The following MAP3K15 variants were observed in gnomAD, a reference collection of about 807,000 sequenced individuals.
The protein encoded by MAP3K15 is mitogen-activated protein kinase kinase kinase 15.
MAP3K15 carries 124 observed loss-of-function variants against 99.5 expected under a neutral mutation model. The ratio of observed to expected loss-of-function variants is 1.25; its 90% CI spans 1.08 to 1.45. MAP3K15 has a LOEUF of 1.45. Ranked by LOEUF, MAP3K15 falls within the 40% of genes most tolerant of loss-of-function variation. The pLI is 0.00. For synonymous variants in MAP3K15, 494 were observed against 439.6 expected (o/e 1.12, Z -1.55); for missense variants, 1,242 against 1,079.7 (o/e 1.15, Z -2.11).
Position 19,429,760 on chromosome X carries a change from AAGAGAGAGAGAG to A in MAP3K15, c.1166+1666_1166+1677del, listed in dbSNP as rs369383239. Among the ~76,000 whole-genome samples the A allele has an allele frequency of 8.0e-3, 266 of 33,128 alleles. 1 individual carries two copies. Among genetic ancestry groups the A allele is most frequent in the South Asian group, 0.016 (4 of 247 alleles). 28.8% of individuals were successfully genotyped at this position (33,128 alleles called of 115,157 possible). On this transcript the variant is annotated intron_variant, in intron 7 of 28. Transcript: ENST00000338883. ...CAGAGCCTCCTGTGTGTATGAAAGG[AAGAGAGAGAGAG>A]AGAGAGAGAGAGAGAGAGAGAGAGA... is the stretch of plus-strand genomic sequence containing the variant.
At position 19,515,390 on chromosome X, in the gene MAP3K15, G is replaced by A; in HGVS notation, c.-129C>T. The A allele has an allele frequency of 2.7e-6, 1 of 363,858 alleles. No individual in the cohort carries two copies. Among genetic ancestry groups the A allele is most frequent in the Non-Finnish European group, 3.7e-6 (1 of 271,070 alleles). 30.0% of individuals were successfully genotyped at this position (363,858 alleles called of 1,213,427 possible). A position where few individuals can be genotyped will look rare whatever the true frequency, so the allele number is the denominator to read the frequency against. Reference sequence around the variant, plus strand: ...TGAAGCGCGGGACGCTACGGGAATCGAGGGAACGGAGCGCACCGGGGACCC... The same window carrying A: ...TGAAGCGCGGGACGCTACGGGAATCAAGGGAACGGAGCGCACCGGGGACCC... On this transcript the variant is annotated 5_prime_UTR_variant, in exon 1 of 29. Transcript: ENST00000338883.
chrX:19,426,823 A>AAACAAAAAC (rs1190682076), intron 7 of MAP3K15, among the ~76,000 whole-genome samples: 106 of 100,709 alleles, frequency 1.1e-3, no homozygotes, highest in African/African-American at 4.1e-3. Flanking sequence ...GTCTCCAAAA[A>AAACAAAAAC]AAAAAAAAAA....
At chrX:19,398,453 T>A (rs2147256912) in intron 14 of MAP3K15, 94 bp from the exon 15 acceptor site, 1 of 952,276 alleles carries the variant, frequency 1.1e-6, no homozygotes, top group Non-Finnish European at 1.5e-6. Flanking sequence ...CTAAAAAAAA[T>A]ATAAATAACA....
At chrX:19,448,598 T>C (rs1440090662) in intron 6 of MAP3K15, among the ~76,000 whole-genome samples, 2 of 109,504 alleles carry the variant, frequency 1.8e-5, no homozygotes, top group Non-Finnish European at 3.9e-5. Context: ...GAGAAAAACA[T>C]AAGGAACTGT....
At position 19,425,571 on chromosome X, in the gene MAP3K15, G is replaced by A. The variant is rs1010813273; in HGVS notation, c.1399C>T (p.Gln467Ter). Residue 467 changes from glutamine to a stop codon, truncating the protein, a stop_gained, in exon 9 of 29, where the codon CAG (glutamine) becomes TAG (stop). Coordinates refer to ENST00000338883, the MANE Select transcript of MAP3K15 (RefSeq NM_001001671.4). LOFTEE classifies it high-confidence loss of function. ...MLAHDVGKAV[Q>*]AAERLFKLKP... The stretch of plus-strand genomic sequence containing the variant: ...AGTTTGAACAACCTCTCTGCTGCCT[G>A]GACGGCTTTCCCGACATCATGGGCC... The A allele has an allele frequency of 8.3e-7, 1 of 1,198,908 alleles. No homozygotes were observed. Among genetic ancestry groups the A allele is most frequent in the South Asian group, 1.8e-5 (1 of 56,494 alleles).
chrX:19,494,567 A>C (rs1484051722), intron 1 of MAP3K15, among the ~76,000 whole-genome samples: 2 of 111,537 alleles, frequency 1.8e-5, no homozygotes, highest in Non-Finnish European at 3.8e-5. Context: ...ATAAAACTAT[A>C]ATTTTCTAGT....
At chrX:19,471,234 T>C (rs1301584293) in intron 3 of MAP3K15, among the ~76,000 whole-genome samples, 2 of 106,552 alleles carry the variant, frequency 1.9e-5, no homozygotes, top group African/African-American at 3.4e-5. Context: ...AGAAAAATAC[T>C]CAAAGAAATA....
intron 19 of MAP3K15, 85 bp from the exon 20 acceptor site, chrX:19,374,745 C>T: frequency 6.9e-6 from 6 of 867,514 alleles, no homozygotes; most frequent in East Asian, 3.2e-5. Flanking sequence ...AGCTCCTGTA[C>T]ACCTGACATC....
At chrX:19,467,393 C>T (rs1375601491) in intron 3 of MAP3K15, among the ~76,000 whole-genome samples, 1 of 110,700 alleles carries the variant, frequency 9.0e-6, no homozygotes, top group Non-Finnish European at 1.9e-5. Context: ...AGCTCTATTC[C>T]AGGCAAGTGT....
intron 3 of MAP3K15, among the ~76,000 whole-genome samples, chrX:19,473,271 T>A (rs1000613215): frequency 2.7e-5 from 3 of 112,133 alleles, no homozygotes; most frequent in Non-Finnish European, 5.6e-5. Context: ...AAGGAATTAA[T>A]AGACTTCCAA....
chrX:19,377,576 G>A (rs1395288291), intron 19 of MAP3K15, among the ~76,000 whole-genome samples: 2 of 111,406 alleles, frequency 1.8e-5, no homozygotes, highest in African/African-American at 6.5e-5. Flanking sequence ...CAGTGAATTC[G>A]CTAAACAAAA....
chrX:19,430,294 G>T (rs751433352), intron 7 of MAP3K15, among the ~76,000 whole-genome samples: 1 of 111,606 alleles, frequency 9.0e-6, no homozygotes, highest in East Asian at 2.8e-4. Context: ...TAAGAAAGCT[G>T]GTCTACCAGG....
intron 3 of MAP3K15, among the ~76,000 whole-genome samples, chrX:19,479,236 A>C (rs967555177): frequency 4.1e-4 from 46 of 111,724 alleles, no homozygotes; most frequent in African/African-American, 1.5e-3. Context: ...CCTTACTGTT[A>C]GTCCCTTCTG....
At chrX:19,510,905 AAC>A (rs1392231494) in intron 1 of MAP3K15, among the ~76,000 whole-genome samples, 1 of 112,231 alleles carries the variant, frequency 8.9e-6, no homozygotes, top group African/African-American at 3.2e-5. Context: ...ATAAAAGACA[AAC>A]ACAGAGCCAA....
At chrX:19,401,990 T>C (rs907999067) in intron 13 of MAP3K15, among the ~76,000 whole-genome samples, 2 of 111,962 alleles carry the variant, frequency 1.8e-5, no homozygotes, top group Non-Finnish European at 3.8e-5. Flanking sequence ...ACAACTAAGA[T>C]TTAAAAGACG....
chrX:19,424,253 T>TACACATATATATACACACATATATAC (rs2063811286), intron 9 of MAP3K15, among the ~76,000 whole-genome samples: 2 of 105,412 alleles, frequency 1.9e-5, no homozygotes, highest in Non-Finnish European at 3.8e-5. Flanking sequence ...TACATATATA[T>TACACATATATATACACACATATATAC]ACACATATAT....
At position 19,496,355 on chromosome X, in the gene MAP3K15, C is replaced by G. The variant is rs763099820; in HGVS notation, c.362-7388G>C. The G allele has an allele frequency of 2.6e-4, 29 of 111,493 alleles. 1 individual carries two copies. Among genetic ancestry groups the G allele is most frequent in the Admixed American group, 2.4e-3 (25 of 10,414 alleles). 9.2% of individuals were successfully genotyped at this position (111,493 alleles called of 1,213,427 possible). ...GTGCTGGGATTACAGGCTTGAGCCA[C>G]CACGCCTGGCCACCATCCCATTATT... On this transcript the variant is annotated intron_variant, in intron 1 of 28. Coordinates refer to ENST00000338883, the MANE Select transcript of MAP3K15 (RefSeq NM_001001671.4).
intron 9 of MAP3K15, among the ~76,000 whole-genome samples, chrX:19,422,286 C>T (rs1336411310): frequency 9.0e-6 from 1 of 111,530 alleles, no homozygotes; most frequent in Non-Finnish European, 1.9e-5. Context: ...ACTCATCTGA[C>T]AAATGGCTAA....
At chrX:19,425,055 G>T (rs2063819142) in intron 9 of MAP3K15, among the ~76,000 whole-genome samples, 1 of 111,172 alleles carries the variant, frequency 9.0e-6, no homozygotes, top group African/African-American at 3.3e-5. Context: ...AACAAACCAC[G>T]AACACACTTC....
Sources: gnomAD v4.1 joint callset for allele counts (sites outside exome capture counted in the v4.1 genomes callset) on GRCh38, gnomAD v4.1.1 for gene constraint, MANE v1.5 for transcripts, NCBI Gene and HGNC (gene_info 2026-07-23, HGNC 2026-07-21) for gene names.